Variants in HPR observed in about 807,000 individuals in gnomAD.
The protein encoded by HPR is Haptoglobin-related locus.
In HPR, 17 loss-of-function variants were observed where a neutral mutation model predicts 18.5. The observed-to-expected ratio is 0.92, with a 90% CI of 0.63 to 1.38. HPR has a LOEUF of 1.38. HPR is among the 40% of genes most tolerant of loss of function. The pLI is 0.00. For missense variants in HPR, 457 were observed against 432.4 expected (o/e 1.06, Z -0.51); for synonymous variants, 176 against 165.0 (o/e 1.07, Z -0.51).
At chr16:72,072,859 G>A (rs564414916) in intron 1 of HPR, among the ~76,000 whole-genome samples, 4 of 152,166 alleles carry the variant, frequency 2.6e-5, no homozygotes, top group African/African-American at 4.8e-5. Flanking sequence ...TTAACAGGGG[G>A]ATTGTTAAAT....
chr16:72,064,474 C>G (rs1597414651), intron 1 of HPR, among the ~76,000 whole-genome samples: 1 of 152,122 alleles, frequency 6.6e-6, no homozygotes. Context: ...TCGCAATAGC[C>G]TCTCCCACCA....
rs1294249105 is a variant in HPR at position 72,076,655 on chromosome 16, C to T, written c.621C>T (p.Ile207=). 6.2e-7 allele frequency: 1 copy of T among 1,614,100 alleles called. No individual in the cohort carries two copies. Among genetic ancestry groups the T allele is most frequent in the Non-Finnish European group, 8.5e-7 (1 of 1,180,040 alleles). The change falls in exon 5 of 5, where the codon ATC becomes ATT. Residue 207 remains isoleucine (I), a synonymous_variant. Transcript: ENST00000540303. ...TTGTTAATGAGAGAGTGATGCCCAT[C>T]TGCCTACCTTCAAAGAATTATGCAG... ...KVLVNERVMP[I]CLPSKNYAEV...
intron 1 of HPR, among the ~76,000 whole-genome samples, chr16:72,069,563 C>A (rs2041633578): frequency 6.6e-6 from 1 of 152,126 alleles, no homozygotes. Flanking sequence ...GAAATGTTAT[C>A]CAAGCCCGTT....
Position 72,067,968 on chromosome 16 carries a change from C to T in HPR, c.5+4708C>T, listed in dbSNP as rs567861935. On this transcript the variant is annotated intron_variant, in intron 1 of 4. Transcript: ENST00000540303. Reference sequence around the variant, plus strand: ...GGGCATGTCCCTGGCTGAAGAGAGCCGAGACACATTTGCCTTTGAGTGGGA... The same window carrying T: ...GGGCATGTCCCTGGCTGAAGAGAGCTGAGACACATTTGCCTTTGAGTGGGA... Among the ~76,000 whole-genome samples, 17 of 152,204 alleles carry T rather than the reference C, an allele frequency of 1.1e-4. No homozygotes were observed. The South Asian group carries it at 3.1e-3, about 28-fold the overall frequency.
At chr16:72,074,252 T>C in intron 2 of HPR, 32 bp from the exon 3 acceptor site, 1 of 1,589,412 alleles carries the variant, frequency 6.3e-7, no homozygotes, top group Admixed American at 1.7e-5. Flanking sequence ...AATTTCCAAA[T>C]GGTAAACTCT....
chr16:72,074,268 T>TTC lies in HPR; in HGVS notation c.92-8_92-7dup, dbSNP rs774497808. 3.7e-6 allele frequency: 6 copies of TTC among 1,608,746 alleles called. No individual in the cohort carries two copies. The highest frequency in any genetic ancestry group is 5.1e-6 in the Non-Finnish European group (6 of 1,175,186). Reference sequence around the variant, plus strand: ...ATTTCCAAATGGTAAACTCTCTGGCTTCTCTCTCTTTGCAGATGACCGCTT... The same window carrying TTC: ...ATTTCCAAATGGTAAACTCTCTGGCTTCTCTCTCTCTTTGCAGATGACCGCTT... On this transcript the variant is annotated splice_polypyrimidine_tract_variant and intron_variant, in intron 2 of 4. Coordinates refer to ENST00000540303, the MANE Select transcript of HPR (RefSeq NM_020995.4).
intron 1 of HPR, among the ~76,000 whole-genome samples, chr16:72,065,338 C>G (rs769679186): frequency 6.6e-6 from 1 of 151,732 alleles, no homozygotes; most frequent in Non-Finnish European, 1.5e-5. Context: ...AAGCTCCAGA[C>G]AGATAAAAAA....
chr16:72,069,177 A>AC (rs1409707326), intron 1 of HPR, among the ~76,000 whole-genome samples: 31 of 152,320 alleles, frequency 2.0e-4, no homozygotes, highest in African/African-American at 7.2e-4. Flanking sequence ...TACTGATTCT[A>AC]AGTATGCCTT....
rs774345670 is a variant in HPR at position 72,076,776 on chromosome 16, C to A, written c.742C>A (p.Gln248Lys). The change falls in exon 5 of 5, where the codon CAA becomes AAA. Residue 248 changes from glutamine to lysine, a missense_variant. Physicochemically the swap from Gln to Lys is moderately conservative, Grantham distance 53 (BLOSUM62 1). Coordinates refer to ENST00000540303, the MANE Select transcript of HPR (RefSeq NM_020995.4). ...GTATGTCATGCTGCCTGTGGCTGAC[C>A]AATACGATTGCATAACGCATTATGA... ...LKYVMLPVAD[Q>K]YDCITHYEGS... 1 of 1,614,182 alleles carries A rather than the reference C, an allele frequency of 6.2e-7. No individual in the cohort carries two copies. The highest frequency in any genetic ancestry group is 2.2e-5 in the East Asian group (1 of 44,884).
At chr16:72,071,866 T>G (rs759352398) in intron 1 of HPR, among the ~76,000 whole-genome samples, 1 of 152,204 alleles carries the variant, frequency 6.6e-6, no homozygotes, top group South Asian at 2.1e-4. Flanking sequence ...CACATTTATA[T>G]AGATTCCACT....
At chr16:72,072,539 T>C (rs1228721022) in intron 1 of HPR, among the ~76,000 whole-genome samples, 2 of 152,174 alleles carry the variant, frequency 1.3e-5, no homozygotes, top group East Asian at 3.9e-4. Flanking sequence ...TCAAATGAGC[T>C]AGCCAAAAAT....
chr16:72,064,204 T>C (rs955276080), intron 1 of HPR, among the ~76,000 whole-genome samples: 24 of 152,312 alleles, frequency 1.6e-4, no homozygotes, highest in African/African-American at 4.6e-4. Context: ...GGGTTTGAGA[T>C]ACCATTTCCT....
chr16:72,063,532 C>T (rs966390283), intron 1 of HPR, among the ~76,000 whole-genome samples: 1 of 152,084 alleles, frequency 6.6e-6, no homozygotes, highest in African/African-American at 2.4e-5. Context: ...CATCAGCTCC[C>T]GTGGTAGGCT....
chr16:72,076,854 C>A lies in HPR; in HGVS notation c.820C>A (p.Pro274Thr), dbSNP rs1486481368. 6.2e-7 allele frequency: 1 copy of A among 1,614,226 alleles called. No homozygotes were observed. The highest frequency in any genetic ancestry group is 8.5e-7 in the Non-Finnish European group (1 of 1,180,040). Residue 274 changes from proline to threonine, a missense_variant, in exon 5 of 5, where the codon CCC becomes ACC. Coordinates refer to ENST00000540303, the MANE Select transcript of HPR (RefSeq NM_020995.4). ...KAPKSPVGVQ[P>T]ILNEHTFCVG... ...ACCGAAGAGCCCTGTAGGGGTGCAG[C>A]CCATACTGAACGAACACACCTTCTG...
chr16:72,076,997 G>C lies in HPR; in HGVS notation c.963G>C (p.Lys321Asn). ...WYAAGILSFD[K>N]SCAVAEYGVY... Reference sequence around the variant, plus strand: ...CGGCTGGGATCCTAAGCTTTGATAAGAGCTGTGCTGTGGCTGAGTATGGTG... The same window carrying C: ...CGGCTGGGATCCTAAGCTTTGATAACAGCTGTGCTGTGGCTGAGTATGGTG... The change falls in exon 5 of 5, where the codon AAG becomes AAC. Residue 321 changes from lysine to asparagine, a missense_variant. Transcript: ENST00000540303. 1.9e-6 allele frequency: 3 copies of C among 1,614,178 alleles called. No homozygotes were observed. The East Asian group carries it at 6.7e-5, about 36-fold the overall frequency.
intron 1 of HPR, among the ~76,000 whole-genome samples, chr16:72,073,288 G>A (rs908811579): frequency 6.6e-6 from 1 of 152,174 alleles, no homozygotes; most frequent in Non-Finnish European, 1.5e-5. Flanking sequence ...GCAACCTTAT[G>A]CAAAAGTAAA....
At chr16:72,067,470 CTTAATG>C (rs1180516803) in intron 1 of HPR, among the ~76,000 whole-genome samples, 1 of 152,170 alleles carries the variant, frequency 6.6e-6, no homozygotes, top group South Asian at 2.1e-4. Context: ...TAGGAAGAGA[CTTAATG>C]TTAAAGTTAG....
chr16:72,072,307 C>T (rs1156538016), intron 1 of HPR, among the ~76,000 whole-genome samples: 1 of 152,104 alleles, frequency 6.6e-6, no homozygotes, highest in African/African-American at 2.4e-5. Flanking sequence ...TGTGCCCAGC[C>T]TATGATTTGT....
chr16:72,066,268 C>T (rs2041596613), intron 1 of HPR, among the ~76,000 whole-genome samples: 2 of 152,162 alleles, frequency 1.3e-5, no homozygotes, highest in South Asian at 4.1e-4. Context: ...TATGGAGTGG[C>T]AGATCAAGTT....
Sources: gnomAD v4.1 joint callset for allele counts (sites outside exome capture counted in the v4.1 genomes callset) on GRCh38, gnomAD v4.1.1 for gene constraint, MANE v1.5 for transcripts, NCBI Gene and HGNC (gene_info 2026-07-23, HGNC 2026-07-21) for gene names.